NCAM2: variants seen among roughly 807,000 people sequenced by gnomAD.
NCAM2 encodes N-CAM-2.
In NCAM2, 30 loss-of-function variants were observed where a neutral mutation model predicts 98.1. The ratio of observed to expected loss-of-function variants is 0.31; its 90% CI spans 0.23 to 0.41. The LOEUF (loss-of-function observed/expected upper bound fraction) is 0.41. NCAM2 is among the 10% of genes least tolerant of loss of function. The pLI is 1.00. For missense variants in NCAM2, 867 were observed against 1,005.8 expected (o/e 0.86, Z 1.87); for synonymous variants, 368 against 342.4 (o/e 1.07, Z -0.83).
chr21:21,360,609 T>C (rs232490), intron 8 of NCAM2, among the ~76,000 whole-genome samples: 54,351 of 151,776 alleles, frequency 0.36, 9,935 homozygotes, highest in East Asian at 0.58. Context: ...CTTACCTTGT[T>C]CACTCCTTTC....
chr21:21,295,134 T>C (rs1452738319), intron 5 of NCAM2, among the ~76,000 whole-genome samples: 1 of 151,852 alleles, frequency 6.6e-6, no homozygotes, highest in Admixed American at 6.6e-5. Context: ...CAAATGTTTT[T>C]TCACATGCAG....
At chr21:21,057,579 T>G (rs2065237642) in intron 1 of NCAM2, among the ~76,000 whole-genome samples, 1 of 152,136 alleles carries the variant, frequency 6.6e-6, no homozygotes, top group African/African-American at 2.4e-5. Flanking sequence ...AAATCCTTCC[T>G]GATCGTTACT....
intron 1 of NCAM2, among the ~76,000 whole-genome samples, chr21:21,072,427 A>G (rs1275009046): frequency 6.6e-6 from 1 of 152,238 alleles, no homozygotes; most frequent in Non-Finnish European, 1.5e-5. Context: ...AGAAATACTT[A>G]TAGAAAACTT....
intron 1 of NCAM2, among the ~76,000 whole-genome samples, chr21:21,038,911 C>T (rs1239295202): frequency 6.6e-6 from 1 of 152,130 alleles, no homozygotes; most frequent in East Asian, 1.9e-4. Context: ...GGAAGACCTT[C>T]TTTTGATATG....
chr21:21,083,499 C>T (rs2065850753), intron 1 of NCAM2, among the ~76,000 whole-genome samples: 1 of 151,780 alleles, frequency 6.6e-6, no homozygotes, highest in South Asian at 2.1e-4. Flanking sequence ...CAGCTCACTG[C>T]AACCTCTGCC....
intron 12 of NCAM2, among the ~76,000 whole-genome samples, chr21:21,455,703 G>A (rs1011233292): frequency 2.4e-4 from 37 of 151,506 alleles, no homozygotes; most frequent in African/African-American, 7.8e-4. Context: ...TGAAAATCTC[G>A]GCAAACCATT....
chr21:21,118,818 C>T (rs1354893561), intron 1 of NCAM2, among the ~76,000 whole-genome samples: 1 of 152,136 alleles, frequency 6.6e-6, no homozygotes, highest in Non-Finnish European at 1.5e-5. Flanking sequence ...CCAACACACA[C>T]TTCTTAGTTT....
chr21:21,424,476 C>T (rs574494459), intron 11 of NCAM2, among the ~76,000 whole-genome samples: 1 of 152,122 alleles, frequency 6.6e-6, no homozygotes, highest in Non-Finnish European at 1.5e-5. Context: ...GATTGGAGTT[C>T]TTGGAAAAGG....
At chr21:21,347,449 G>A (rs1301322902) in intron 8 of NCAM2, among the ~76,000 whole-genome samples, 1 of 151,766 alleles carries the variant, frequency 6.6e-6, no homozygotes, top group African/African-American at 2.4e-5. Flanking sequence ...AAACAGCATG[G>A]TACAGGAAGA....
intron 1 of NCAM2, among the ~76,000 whole-genome samples, chr21:21,204,347 A>G (rs1231819756): frequency 6.6e-6 from 1 of 151,902 alleles, no homozygotes; most frequent in Non-Finnish European, 1.5e-5. Context: ...ATGTGGTCAT[A>G]TTTTATTTTT....
chr21:21,475,823 A>T (rs1356171339), intron 14 of NCAM2, among the ~76,000 whole-genome samples: 1 of 152,176 alleles, frequency 6.6e-6, no homozygotes, highest in Non-Finnish European at 1.5e-5. Context: ...AAACAGGCCA[A>T]ACTTTTCTGT....
In NCAM2 at chr21:21,413,946, C is replaced by G. The variant is rs968428564; in HGVS notation, c.1383+3485C>G. Among the ~76,000 whole-genome samples, 3 of 152,146 alleles carry G rather than the reference C, an allele frequency of 2.0e-5. No homozygotes were observed. In the South Asian group the frequency reaches 6.2e-4, roughly 31 times the overall value. On this transcript the variant is annotated intron_variant, in intron 10 of 17. Coordinates refer to ENST00000400546, the MANE Select transcript of NCAM2 (RefSeq NM_004540.5). ...TATAATACTGTTTGTTAGGAATTAC[C>G]TATAGCAGAACATCTTTCAAAAATG...
At chr21:21,507,082 A>C (rs1988026058) in intron 15 of NCAM2, among the ~76,000 whole-genome samples, 2 of 152,076 alleles carry the variant, frequency 1.3e-5, no homozygotes, top group Admixed American at 6.6e-5. Context: ...AATTATAAGA[A>C]ATAAAAATAA....
chr21:21,345,172 A>C (rs2075153906), intron 8 of NCAM2, among the ~76,000 whole-genome samples: 1 of 152,160 alleles, frequency 6.6e-6, no homozygotes, highest in Admixed American at 6.6e-5. Context: ...AATAAGCCCA[A>C]ACAGTGAAGA....
chr21:21,530,553 C>T (rs922634776), intron 16 of NCAM2, among the ~76,000 whole-genome samples: 34 of 150,762 alleles, frequency 2.3e-4, no homozygotes, highest in African/African-American at 7.5e-4. Context: ...TCCTAGGATA[C>T]ACACACACTC....
rs147787876 is a variant in NCAM2, at chr21:21,512,672, T to G, written c.2282+3617T>G. Among the ~76,000 whole-genome samples, 19 of 152,182 alleles carry G rather than the reference T, an allele frequency of 1.2e-4. No homozygotes were observed. In the South Asian group the frequency reaches 1.9e-3, roughly 15 times the overall value. On this transcript the variant is annotated intron_variant, in intron 16 of 17. Coordinates refer to ENST00000400546, the MANE Select transcript of NCAM2 (RefSeq NM_004540.5). The stretch of plus-strand genomic sequence containing the variant: ...GAATTGCATTGAATCTGTAGATTTC[T>G]TTGAGTAGTATGGACATTTTGACAA...
chr21:21,370,842 T>A (rs1369933915), intron 8 of NCAM2, among the ~76,000 whole-genome samples: 1 of 151,922 alleles, frequency 6.6e-6, no homozygotes, highest in African/African-American at 2.4e-5. Flanking sequence ...AATGTAAAGC[T>A]TTTTGGATGT....
At chr21:21,420,360 A>G (rs2077086382) in intron 11 of NCAM2, among the ~76,000 whole-genome samples, 1 of 152,020 alleles carries the variant, frequency 6.6e-6, no homozygotes, top group Non-Finnish European at 1.5e-5. Context: ...ATTTGCCATT[A>G]TGTTTTACAA....
intron 14 of NCAM2, among the ~76,000 whole-genome samples, chr21:21,472,743 A>G (rs1602442067): frequency 6.6e-6 from 1 of 152,002 alleles, no homozygotes; most frequent in Non-Finnish European, 1.5e-5. Context: ...ACAGAAGGTA[A>G]TGAATAGGAA....
Sources: allele counts gnomAD v4.1 joint callset (sites outside exome capture counted in the v4.1 genomes callset), GRCh38; gene constraint gnomAD v4.1.1; transcripts MANE v1.5; gene names NCBI Gene and HGNC (gene_info 2026-07-23, HGNC 2026-07-21).